The following HS6ST1 variants were observed in gnomAD, a reference collection of about 807,000 sequenced individuals.
HS6ST1 encodes the protein heparan-sulfate 6-O-sulfotransferase 1.
Under a neutral mutation model 25.2 loss-of-function variants are expected in HS6ST1, and 3 were observed. The observed-to-expected ratio is 0.12, with a 90% confidence interval of 0.05 to 0.31. The LOEUF (loss-of-function observed/expected upper bound fraction) is 0.31. HS6ST1 is among the 10% of genes least tolerant of loss of function. The probability of loss-of-function intolerance (pLI) is 1.00; values close to 1 mark genes in which losing one functional copy is unlikely to be tolerated. For missense variants in HS6ST1, 310 were observed against 609.6 expected (o/e 0.51, Z 5.18); for synonymous variants, 204 against 275.1 (o/e 0.74, Z 2.56).
intron 1 of HS6ST1, 127 bp downstream of exon 1, chr2:128,317,910 C>CGAGTGGGGGCCCCCAAGAGGGCAG: frequency 8.6e-7 from 1 of 1,168,704 alleles, no homozygotes; most frequent in Non-Finnish European, 1.1e-6. Flanking sequence ...GGGGTGCCGG[C>CGAGTGGGGGCCCCCAAGAGGGCAG]GAGTGGGGGC....
chr2:128,313,064 C>CA (rs200903297), intron 1 of HS6ST1, among the ~76,000 whole-genome samples: 4,378 of 149,940 alleles, frequency 0.029, 199 homozygotes, highest in African/African-American at 0.093. Flanking sequence ...GACTCCATCT[C>CA]AAAAAAAAAA....
At chr2:128,270,026 G>A (rs1411344948) in intron 1 of HS6ST1, among the ~76,000 whole-genome samples, 1 of 152,210 alleles carries the variant, frequency 6.6e-6, no homozygotes, top group African/African-American at 2.4e-5. Context: ...CAAGTGGTGC[G>A]GTGCCACTGC....
intron 1 of HS6ST1, among the ~76,000 whole-genome samples, chr2:128,271,264 G>A (rs1000865443): frequency 2.6e-5 from 4 of 152,244 alleles, no homozygotes; most frequent in Admixed American, 1.3e-4. Flanking sequence ...TGTAGCCTGT[G>A]CCTGTGTGTG....
intron 1 of HS6ST1, among the ~76,000 whole-genome samples, chr2:128,280,126 CA>C (rs767984009): frequency 3.4e-4 from 52 of 152,370 alleles, no homozygotes; most frequent in Non-Finnish European, 3.1e-4. Context: ...CCAACCCCAC[CA>C]GGGGCCCCCG....
At chr2:128,284,505 T>TTTTTTTTC (rs1553456287) in intron 1 of HS6ST1, among the ~76,000 whole-genome samples, 1 of 138,242 alleles carries the variant, frequency 7.2e-6, no homozygotes, top group African/African-American at 2.7e-5. Context: ...ATCGTCCCTC[T>TTTTTTTTC]TTTTTTTTTT....
chr2:128,283,526 G>A (rs910254145), intron 1 of HS6ST1, among the ~76,000 whole-genome samples: 2 of 152,224 alleles, frequency 1.3e-5, no homozygotes, highest in South Asian at 4.1e-4. Flanking sequence ...CATGGAGGAG[G>A]TGACCCCGGG....
At chr2:128,313,729 A>C (rs1200476644) in intron 1 of HS6ST1, among the ~76,000 whole-genome samples, 1 of 152,116 alleles carries the variant, frequency 6.6e-6, no homozygotes, top group African/African-American at 2.4e-5. Context: ...CTAGGGACCA[A>C]GGTGGGCACT....
chr2:128,291,230 T>TCTTTAGTGA (rs1374728441), intron 1 of HS6ST1, among the ~76,000 whole-genome samples: 1 of 152,266 alleles, frequency 6.6e-6, no homozygotes, highest in Non-Finnish European at 1.5e-5. Flanking sequence ...GAGTACCCCG[T>TCTTTAGTGA]GCAGGCATTA....
intron 1 of HS6ST1, among the ~76,000 whole-genome samples, chr2:128,288,896 C>T (rs1693907279): frequency 6.6e-6 from 1 of 152,076 alleles, no homozygotes; most frequent in African/African-American, 2.4e-5. Context: ...CAGGCTCCAC[C>T]TCCTGCTGAC....
intron 1 of HS6ST1, among the ~76,000 whole-genome samples, chr2:128,282,030 C>T (rs1693797340): frequency 6.6e-6 from 1 of 152,238 alleles, no homozygotes; most frequent in African/African-American, 2.4e-5. Flanking sequence ...TGCTGAGCCA[C>T]AGCCTCCAGG....
In HS6ST1 at chr2:128,318,022, C is replaced by T; in HGVS notation, c.527+15G>A. 6.9e-7 allele frequency: 1 copy of T among 1,458,508 alleles called. No individual in the cohort carries two copies. Among genetic ancestry groups the T allele is most frequent in the Non-Finnish European group, 8.9e-7 (1 of 1,117,670 alleles). 90.3% of individuals were successfully genotyped at this position (1,458,508 alleles called of 1,614,324 possible). ...GGGCGCAGCTGCGCGAGGATCCCGC[C>T]GCCCGGGCGCTCACCTGGGCGTGCG... On this transcript the variant is annotated intron_variant, in intron 1 of 1. Transcript: ENST00000259241. The surrounding 1 kb of genome is among the most constrained non-coding windows in gnomAD (Gnocchi z 5.7).
chr2:128,303,357 G>T (rs1694160910), intron 1 of HS6ST1, among the ~76,000 whole-genome samples: 2 of 152,348 alleles, frequency 1.3e-5, no homozygotes, highest in South Asian at 4.1e-4. Context: ...CAACACCCAT[G>T]GGGCCACCCT....
In HS6ST1 at chr2:128,305,092, C is replaced by T. The variant is rs562107449; in HGVS notation, c.527+12945G>A. On this transcript the variant is annotated intron_variant, in intron 1 of 1. Transcript: ENST00000259241. ...TTCTGGATTCTCCAGCCTTTGCTGG[C>T]CTGACCCATTGCCTGCCTGGGTCCC... Among the ~76,000 whole-genome samples, 160 of 152,354 alleles carry T rather than the reference C, an allele frequency of 1.1e-3. 1 individual carries two copies. Among genetic ancestry groups the T allele is most frequent in the Non-Finnish European group, 2.0e-3 (133 of 68,042 alleles).
rs201154532 is a variant in HS6ST1, at chr2:128,318,442, C to G, written c.122G>C (p.Ser41Thr). The G allele has an allele frequency of 0.071, 112,777 of 1,589,996 alleles. 4,607 individuals carry two copies. The highest frequency in any genetic ancestry group is 0.08 in the Non-Finnish European group (93,358 of 1,170,510). Reference sequence around the variant, plus strand: ...CGCGCGGCCGCCGGGCGCGCCCAGGCTCAGTCCTGGGCCCGCGTACTGGTA... The same window carrying G: ...CGCGCGGCCGCCGGGCGCGCCCAGGGTCAGTCCTGGGCCCGCGTACTGGTA... ...ILYQYAGPGL[S>T]LGAPGGRAPP... is the part of the protein sequence containing the mutation. Residue 41 changes from serine (S) to threonine (T), a missense_variant, in exon 1 of 2, where the codon AGC becomes ACC. Physicochemically the swap from Ser to Thr is moderately conservative, Grantham distance 58. This residue lies in a region of HS6ST1 where 63 missense variants were observed against 105.4 expected (regional missense o/e 0.60). Coordinates refer to ENST00000259241, the MANE Select transcript of HS6ST1 (RefSeq NM_004807.3). This position sits in a 1 kb window ranked among gnomAD's most constrained non-coding sequence, Gnocchi z 5.7.
intron 1 of HS6ST1, among the ~76,000 whole-genome samples, chr2:128,299,820 G>C (rs1317333664): frequency 1.3e-5 from 2 of 152,220 alleles, no homozygotes; most frequent in African/African-American, 4.8e-5. Context: ...CAGCCCATCT[G>C]CCAGGCGGAG....
intron 1 of HS6ST1, among the ~76,000 whole-genome samples, chr2:128,315,994 G>C (rs840881): frequency 0.68 from 104,082 of 152,140 alleles, 36,977 homozygotes; most frequent in African/African-American, 0.87. Flanking sequence ...CCCAACCCTG[G>C]CGCATGCTGC....
Position 128,268,419 on chromosome 2 carries a change from C to T in HS6ST1, c.979G>A (p.Val327Met), listed in dbSNP as rs777602833. 10 of 1,613,662 alleles carry T rather than the reference C, an allele frequency of 6.2e-6. No individual in the cohort carries two copies. The highest frequency in any genetic ancestry group is 1.7e-5 in the Admixed American group (1 of 60,024). ...CGGATGGTGTCTTCATCCACCTCCA[C>T]GCCGCCCGCCCGCGTGCTATTGTAC... Reference protein sequence around the residue: ...MQYNSTRAGGVEVDEDTIRRI... With the variant: ...MQYNSTRAGGMEVDEDTIRRI... The change falls in exon 2 of 2, where the codon GTG becomes ATG. Residue 327 changes from valine (V) to methionine (M), a missense_variant. Physicochemically the swap from Val to Met is conservative, Grantham distance 21. Around this residue, in one of 5 missense-constraint regions of HS6ST1, gnomAD observed 140 missense variants for 176.5 expected, o/e 0.79. Transcript: ENST00000259241.
chr2:128,268,954 C>A (rs1693569713), intron 1 of HS6ST1, 84 bp from the exon 2 acceptor site: 13 of 1,183,590 alleles, frequency 1.1e-5, no homozygotes, highest in Non-Finnish European at 1.5e-5. Context: ...AAAGTCCCCA[C>A]TACAGGAGTT....
intron 1 of HS6ST1, among the ~76,000 whole-genome samples, chr2:128,295,870 G>A (rs1441050936): frequency 6.6e-6 from 1 of 152,228 alleles, no homozygotes; most frequent in African/African-American, 2.4e-5. Context: ...CTACCTCAGT[G>A]TAATAAAGGC....
Sources: gnomAD v4.1 joint callset for allele counts (sites outside exome capture counted in the v4.1 genomes callset) on GRCh38, gnomAD v4.1.1 for gene constraint, gnomAD v4.1.1 regional missense constraint, Gnocchi (gnomAD v3.1) non-coding constraint, MANE v1.5 for transcripts, NCBI Gene and HGNC (gene_info 2026-07-23, HGNC 2026-07-21) for gene names.